CYSLTR2: variants seen among roughly 807,000 people sequenced by gnomAD.
The protein encoded by CYSLTR2 is G-protein coupled receptor GPCR21.
For synonymous variants in CYSLTR2, 179 were observed against 160.8 expected, an observed-to-expected ratio of 1.11 and a Z score of -0.86; for missense variants, 398 against 411.9, an observed-to-expected ratio of 0.97 and a Z score of 0.29.
chr13:48,704,652 TA>T (rs545982292), intron 4 of CYSLTR2, among the ~76,000 whole-genome samples: 445 of 152,322 alleles, frequency 2.9e-3, no homozygotes, highest in African/African-American at 0.01. Flanking sequence ...TTTTCACTTT[TA>T]TTCAGTTTAA....
chr13:48,661,818 T>C lies in CYSLTR2; in HGVS notation c.-266+7801T>C, dbSNP rs113018361. Among the ~76,000 whole-genome samples the C allele has an allele frequency of 1.4e-3, 215 of 152,356 alleles. 2 individuals are homozygous for C. The highest frequency in any genetic ancestry group is 5.0e-3 in the African/African-American group (208 of 41,592). On this transcript the variant is annotated intron_variant, in intron 1 of 4. Coordinates refer to ENST00000682523, the MANE Select transcript of CYSLTR2 (RefSeq NM_001308476.3). ...TGATCAGATCAGGGTAATTAGCATA[T>C]CCATCATCTCAAATATTTATCATTT...
intron 1 of CYSLTR2, among the ~76,000 whole-genome samples, chr13:48,667,664 A>G (rs1231746841): frequency 1.3e-5 from 2 of 152,118 alleles, no homozygotes; most frequent in Non-Finnish European, 2.9e-5. Flanking sequence ...CAGGGCCAAG[A>G]CTCAACTGCA....
chr13:48,703,590 A>G (rs1954406639), intron 4 of CYSLTR2, among the ~76,000 whole-genome samples: 1 of 152,220 alleles, frequency 6.6e-6, no homozygotes, highest in South Asian at 2.1e-4. Flanking sequence ...TGGTCATGGT[A>G]TAATTCTTTT....
intron 1 of CYSLTR2, among the ~76,000 whole-genome samples, chr13:48,688,677 T>C (rs1379044345): frequency 6.6e-6 from 1 of 152,262 alleles, no homozygotes; most frequent in Non-Finnish European, 1.5e-5. Flanking sequence ...TTTGGGTTGG[T>C]TCCAAGTCTT....
intron 4 of CYSLTR2, among the ~76,000 whole-genome samples, chr13:48,704,436 T>C (rs1297877269): frequency 6.6e-6 from 1 of 152,160 alleles, no homozygotes; most frequent in Admixed American, 6.5e-5. Context: ...TAACCAGTTT[T>C]TCATTTCATT....
At chr13:48,656,218 G>A (rs1410092641) in intron 1 of CYSLTR2, among the ~76,000 whole-genome samples, 1 of 152,012 alleles carries the variant, frequency 6.6e-6, no homozygotes, top group Non-Finnish European at 1.5e-5. Context: ...AAATAGAATT[G>A]TTCATGTGTT....
intron 1 of CYSLTR2, among the ~76,000 whole-genome samples, chr13:48,657,675 A>T (rs76413590): frequency 0.011 from 1,651 of 151,960 alleles, 32 homozygotes; most frequent in African/African-American, 0.037. Flanking sequence ...TATAAAAAAG[A>T]TAATTTCCCA....
intron 3 of CYSLTR2, 21 bp downstream of exon 3, chr13:48,693,531 A>T (rs1688252798): frequency 6.6e-6 from 1 of 151,764 alleles, no homozygotes; most frequent in Non-Finnish European, 1.5e-5. Context: ...ATTTCTGAAG[A>T]CAGGGGAAAA....
intron 1 of CYSLTR2, among the ~76,000 whole-genome samples, chr13:48,686,838 A>G (rs9591194): frequency 0.39 from 59,263 of 152,014 alleles, 12,345 homozygotes; most frequent in South Asian, 0.5. Flanking sequence ...TCCAGCTGTA[A>G]TAGTCATTGC....
chr13:48,687,832 C>T (rs1953934982), intron 1 of CYSLTR2, among the ~76,000 whole-genome samples: 1 of 152,186 alleles, frequency 6.6e-6, no homozygotes. Context: ...TGGCCGTAAG[C>T]CTTATGTCCA....
chr13:48,685,450 C>G (rs940855490), intron 1 of CYSLTR2, among the ~76,000 whole-genome samples: 3 of 152,208 alleles, frequency 2.0e-5, no homozygotes, highest in African/African-American at 7.2e-5. Context: ...ATATCCCCTG[C>G]TGACACCTTG....
intron 1 of CYSLTR2, among the ~76,000 whole-genome samples, chr13:48,678,391 T>G (rs1334053820): frequency 6.6e-6 from 1 of 152,088 alleles, no homozygotes; most frequent in East Asian, 1.9e-4. Context: ...TGGCATTGTG[T>G]TCTTTACTCT....
At chr13:48,701,993 A>G (rs1954361526) in intron 4 of CYSLTR2, among the ~76,000 whole-genome samples, 3 of 152,152 alleles carry the variant, frequency 2.0e-5, no homozygotes, top group African/African-American at 7.2e-5. Flanking sequence ...TCACAATAGC[A>G]AAGACTTGGA....
chr13:48,669,988 T>C (rs569711592), intron 1 of CYSLTR2, among the ~76,000 whole-genome samples: 11 of 152,396 alleles, frequency 7.2e-5, no homozygotes, highest in African/African-American at 2.6e-4. Flanking sequence ...CGTGAGATAG[T>C]ATCTCATTGT....
At chr13:48,687,198 C>T (rs1346555824) in intron 1 of CYSLTR2, among the ~76,000 whole-genome samples, 1 of 152,040 alleles carries the variant, frequency 6.6e-6, no homozygotes, top group Non-Finnish European at 1.5e-5. Context: ...AGAATTACAC[C>T]TGGTTCTGAG....
At chr13:48,676,511 A>G (rs1247747539) in intron 1 of CYSLTR2, among the ~76,000 whole-genome samples, 1 of 152,258 alleles carries the variant, frequency 6.6e-6, no homozygotes, top group African/African-American at 2.4e-5. Flanking sequence ...TATTGTACAT[A>G]TAGAGTAGGG....
chr13:48,706,730 A>T, intron 4 of CYSLTR2, 87 bp from the exon 5 acceptor site: 1 of 1,089,118 alleles, frequency 9.2e-7, no homozygotes, highest in Non-Finnish European at 1.3e-6. Context: ...CTGTTTCATT[A>T]AAACCTAGAG....
Position 48,707,319 on chromosome 13 carries a change from G to C in CYSLTR2, c.502G>C (p.Ala168Pro), listed in dbSNP as rs750291096. 1 of 1,613,936 alleles carries C rather than the reference G, an allele frequency of 6.2e-7. No individual in the cohort carries two copies. The highest frequency in any genetic ancestry group is 1.7e-5 in the Admixed American group (1 of 60,014). Residue 168 changes from alanine to proline, a missense_variant, in exon 5 of 5, where the codon GCT (alanine) becomes CCT (proline). Transcript: ENST00000682523. Reference protein sequence around the residue: ...LCGIIWILIMASSIMLLDSGS... With the variant: ...LCGIIWILIMPSSIMLLDSGS... Reference sequence around the variant, plus strand: ...TGGGATCATATGGATCCTTATCATGGCTTCCTCAATAATGCTCCTGGACAG... The same window carrying C: ...TGGGATCATATGGATCCTTATCATGCCTTCCTCAATAATGCTCCTGGACAG...
intron 1 of CYSLTR2, among the ~76,000 whole-genome samples, chr13:48,656,486 G>A (rs979839339): frequency 1.3e-5 from 2 of 152,104 alleles, no homozygotes; most frequent in Non-Finnish European, 2.9e-5. Flanking sequence ...AGTAATAAAA[G>A]AGACTAAAAG....
Sources: gnomAD v4.1 joint callset for allele counts (sites outside exome capture counted in the v4.1 genomes callset) on GRCh38, gnomAD v4.1.1 for gene constraint, MANE v1.5 for transcripts, NCBI Gene and HGNC (gene_info 2026-07-23, HGNC 2026-07-21) for gene names.